The following DLGAP1 variants were observed in gnomAD, a reference collection of about 807,000 sequenced individuals.
DLGAP1 encodes disks large-associated protein 1.
In DLGAP1, 11 loss-of-function variants were observed where a neutral mutation model predicts 90.8. The observed-to-expected ratio is 0.12, with a 90% CI of 0.08 to 0.20. The LOEUF (loss-of-function observed/expected upper bound fraction) is 0.20, where lower values mean the gene tolerates loss of function less well. Ranked by LOEUF, DLGAP1 falls within the 10% of genes least tolerant of loss-of-function variation. DLGAP1 has a pLI of 1.00. For missense variants in DLGAP1, 1,050 were observed against 1,333.8 expected, an observed-to-expected ratio of 0.79 and a Z score of 3.31; for synonymous variants, 558 against 540.7, an observed-to-expected ratio of 1.03 and a Z score of -0.44.
chr18:4,232,064 GTTTAAAGGTAAGGTA>G (rs1226494364), intron 1 of DLGAP1, among the ~76,000 whole-genome samples: 1 of 152,146 alleles, frequency 6.6e-6, no homozygotes, highest in Non-Finnish European at 1.5e-5. Context: ...TGAGCTTGAA[GTTTAAAGGTAAGGTA>G]TTATTAAATC....
chr18:4,185,878 T>C (rs1210064409), intron 1 of DLGAP1, among the ~76,000 whole-genome samples: 3 of 152,168 alleles, frequency 2.0e-5, no homozygotes, highest in Non-Finnish European at 4.4e-5. Context: ...TTCACAATGA[T>C]TGAACTAGTT....
chr18:3,834,551 C>T (rs1568213105), intron 4 of DLGAP1, among the ~76,000 whole-genome samples: 1 of 152,124 alleles, frequency 6.6e-6, no homozygotes, highest in South Asian at 2.1e-4. Flanking sequence ...GAGCATTAAA[C>T]ATTTGCCAAA....
At chr18:4,453,364 TTA>T (rs112955765) in intron 1 of DLGAP1, among the ~76,000 whole-genome samples, 34,576 of 151,996 alleles carry the variant, frequency 0.23, 4,502 homozygotes, top group African/African-American at 0.37. Flanking sequence ...AAAGAAAACT[TTA>T]TATTCTTCTG....
Position 3,909,616 on chromosome 18 carries a change from CTCTT to C in DLGAP1, c.-72-29480_-72-29477del, listed in dbSNP as rs531218260. 2.2e-3 allele frequency among the ~76,000 whole-genome samples: 336 copies of C among 152,264 alleles called. 1 individual carries two copies. Among genetic ancestry groups the C allele is most frequent in the African/African-American group, 7.5e-3 (312 of 41,566 alleles). ...AGTGGTTAAAATAAAAACTCTTTCT[CTCTT>C]TCTCTTTCTCTTGATTCTTCAAATA... On this transcript the variant is annotated intron_variant, in intron 3 of 12. Coordinates refer to ENST00000315677, the MANE Select transcript of DLGAP1 (RefSeq NM_004746.4).
intron 1 of DLGAP1, among the ~76,000 whole-genome samples, chr18:4,377,426 T>C (rs1399768345): frequency 2.6e-5 from 4 of 152,190 alleles, no homozygotes; most frequent in Non-Finnish European, 5.9e-5. Context: ...ATAAAAACTC[T>C]AAAATGAACT....
At chr18:3,822,024 GA>G (rs34207365) in intron 4 of DLGAP1, 83,009 of 650,152 alleles carry the variant, frequency 0.13, 247 homozygotes, top group Non-Finnish European at 0.13. Flanking sequence ...AGCAAAAACA[GA>G]AAAAAAAAAA....
chr18:4,395,575 C>T (rs1337549866), intron 1 of DLGAP1, among the ~76,000 whole-genome samples: 1 of 152,102 alleles, frequency 6.6e-6, no homozygotes. Flanking sequence ...GATTCATTAA[C>T]ATGGAGGGGT....
chr18:3,757,886 C>A (rs781520189), intron 5 of DLGAP1, among the ~76,000 whole-genome samples: 13 of 151,960 alleles, frequency 8.6e-5, no homozygotes, highest in Non-Finnish European at 1.6e-4. Flanking sequence ...GAGGCCAAGG[C>A]GGGTGGATCA....
chr18:4,000,492 T>C (rs2149072019), intron 3 of DLGAP1, among the ~76,000 whole-genome samples: 1 of 152,266 alleles, frequency 6.6e-6, no homozygotes, highest in Non-Finnish European at 1.5e-5. Context: ...GCATTATGAG[T>C]TATACAAAAA....
At chr18:3,692,971 G>A (rs1293277176) in intron 7 of DLGAP1, among the ~76,000 whole-genome samples, 3 of 152,214 alleles carry the variant, frequency 2.0e-5, no homozygotes. Context: ...TCATGAAGCA[G>A]GCACCCTGGA....
intron 9 of DLGAP1, among the ~76,000 whole-genome samples, chr18:3,548,702 C>T (rs1455072796): frequency 6.6e-6 from 1 of 152,076 alleles, no homozygotes; most frequent in African/African-American, 2.4e-5. Flanking sequence ...CATCTAAGAT[C>T]AGTAACAAGG....
At chr18:4,247,776 T>TA (rs112906193) in intron 1 of DLGAP1, among the ~76,000 whole-genome samples, 4,785 of 151,250 alleles carry the variant, frequency 0.032, 88 homozygotes, top group Middle Eastern at 0.058. Context: ...GACTCCATCT[T>TA]AAAAAAAAAG....
intron 8 of DLGAP1, 70 bp from the exon 9 acceptor site, chr18:3,567,651 T>G (rs1267321777): frequency 5.8e-6 from 8 of 1,375,476 alleles, no homozygotes; most frequent in Non-Finnish European, 8.2e-6. Context: ...AACATCACAT[T>G]TTATGAGAAA....
rs966492439 is a variant in DLGAP1, at chr18:4,232,066, T to G, written c.-266-80779A>C. On this transcript the variant is annotated intron_variant, in intron 1 of 12. Coordinates refer to ENST00000315677, the MANE Select transcript of DLGAP1 (RefSeq NM_004746.4). ...GTTTACTAAGAGGTGAGCTTGAAGT[T>G]TAAAGGTAAGGTATTATTAAATCAC... 4.6e-5 allele frequency among the ~76,000 whole-genome samples: 7 copies of G among 152,258 alleles called. No individual in the cohort carries two copies. The South Asian group carries it at 6.2e-4, about 14-fold the overall frequency.
At chr18:4,137,162 G>A (rs532001962) in intron 2 of DLGAP1, among the ~76,000 whole-genome samples, 15 of 151,888 alleles carry the variant, frequency 9.9e-5, no homozygotes, top group African/African-American at 3.4e-4. Flanking sequence ...TTGGTTTTTC[G>A]TCCTTGCGAT....
chr18:3,574,628 G>A (rs1223988138), intron 8 of DLGAP1, among the ~76,000 whole-genome samples: 1 of 151,904 alleles, frequency 6.6e-6, no homozygotes, highest in East Asian at 1.9e-4. Flanking sequence ...CTGGAGAGAG[G>A]TCCCTCCAAA....
At chr18:3,714,783 T>G (rs1020524104) in intron 7 of DLGAP1, among the ~76,000 whole-genome samples, 1 of 151,764 alleles carries the variant, frequency 6.6e-6, no homozygotes, top group Admixed American at 6.6e-5. Flanking sequence ...TATAGGCACG[T>G]GCCACCACGC....
intron 1 of DLGAP1, among the ~76,000 whole-genome samples, chr18:4,359,742 CAG>C (rs1302347951): frequency 1.3e-5 from 2 of 151,978 alleles, no homozygotes; most frequent in Non-Finnish European, 2.9e-5. Context: ...TAATGGCAGG[CAG>C]AGAGAGAAGG....
chr18:3,505,504 G>C lies in DLGAP1; in HGVS notation c.2572-2859C>G, dbSNP rs551138480. Among the ~76,000 whole-genome samples the C allele has an allele frequency of 3.0e-4, 45 of 151,962 alleles. No individual in the cohort carries two copies. In the South Asian group the frequency reaches 3.8e-3, roughly 13 times the overall value. On this transcript the variant is annotated intron_variant, in intron 11 of 12. Coordinates refer to ENST00000315677, the MANE Select transcript of DLGAP1 (RefSeq NM_004746.4). ...AGATAAAAAATTAGCTGGGTGTCGT[G>C]GTGGGCGCCTATAGTCCCAGCTACT... is the stretch of plus-strand genomic sequence containing the variant.
Sources: gnomAD v4.1 joint callset for allele counts (sites outside exome capture counted in the v4.1 genomes callset) on GRCh38, gnomAD v4.1.1 for gene constraint, MANE v1.5 for transcripts, NCBI Gene and HGNC (gene_info 2026-07-23, HGNC 2026-07-21) for gene names.